KDM7A: variants seen among roughly 807,000 people sequenced by gnomAD.
KDM7A encodes lysine-specific demethylase 7A.
A neutral mutation model predicts 114.8 loss-of-function variants in KDM7A; 28 were observed. That is an observed-to-expected ratio of 0.24 (90% confidence interval 0.18 to 0.33). The LOEUF (loss-of-function observed/expected upper bound fraction) is 0.33. Among genes scored for constraint, KDM7A ranks in the 10% least tolerant of loss-of-function variants. KDM7A has a pLI of 1.00. For missense variants in KDM7A, 942 were observed against 1,142.5 expected, an observed-to-expected ratio of 0.82 and a Z score of 2.53; for synonymous variants, 423 against 397.8, an observed-to-expected ratio of 1.06 and a Z score of -0.75.
chr7:140,155,082 A>G (rs976152062), intron 1 of KDM7A, among the ~76,000 whole-genome samples: 3 of 152,218 alleles, frequency 2.0e-5, no homozygotes, highest in East Asian at 1.9e-4. Flanking sequence ...AAAGAAGTCA[A>G]TAACTGATCA....
chr7:140,171,779 G>A (rs1425251439), intron 1 of KDM7A, among the ~76,000 whole-genome samples: 2 of 151,750 alleles, frequency 1.3e-5, no homozygotes, highest in Non-Finnish European at 2.9e-5. Flanking sequence ...GAGCCAAACA[G>A]TATGCTCTTT....
rs1446539424 is a variant in KDM7A, at chr7:140,176,280, G to A, written c.194+464C>T. Among the ~76,000 whole-genome samples the A allele has an allele frequency of 1.3e-5, 2 of 149,914 alleles. No individual in the cohort carries two copies. Among genetic ancestry groups the A allele is most frequent in the South Asian group, 2.1e-4 (1 of 4,824 alleles). ...GGGCGACCCCATCGCCGCCCGGAAG[G>A]AAGGCAGGCGCGTCGGCCGGCCGGG... On this transcript the variant is annotated intron_variant, in intron 1 of 19. Transcript: ENST00000397560. The surrounding 1 kb of genome is among the most constrained non-coding windows in gnomAD (Gnocchi z 4.4).
intron 1 of KDM7A, among the ~76,000 whole-genome samples, chr7:140,150,634 G>A (rs1012491409): frequency 8.5e-5 from 13 of 152,190 alleles, no homozygotes; most frequent in Admixed American, 7.2e-4. Flanking sequence ...GGTAACAGCA[G>A]TTGCCTCTGG....
intron 9 of KDM7A, among the ~76,000 whole-genome samples, chr7:140,115,160 T>A (rs1818504545): frequency 6.8e-6 from 1 of 147,246 alleles, no homozygotes; most frequent in Non-Finnish European, 1.5e-5. Context: ...AGCTGCCCCA[T>A]CAGGGAGGGA....
At position 140,090,530 on chromosome 7, in the gene KDM7A, C is replaced by T. The variant is rs1183907318; in HGVS notation, c.*564G>A. 1 of 152,054 alleles carries T rather than the reference C, an allele frequency of 6.6e-6. No homozygotes were observed. The highest frequency in any genetic ancestry group is 1.5e-5 in the Non-Finnish European group (1 of 68,014). 9.4% of individuals were successfully genotyped at this position (152,054 alleles called of 1,614,324 possible). On this transcript the variant is annotated 3_prime_UTR_variant, in exon 20 of 20. Transcript: ENST00000397560. Reference sequence around the variant, plus strand: ...ACATCTTAATTTAAAATAATTAATGCATCAAATCCCTGTTTAAGACTTTAA... The same window carrying T: ...ACATCTTAATTTAAAATAATTAATGTATCAAATCCCTGTTTAAGACTTTAA...
chr7:140,125,122 T>C (rs759554998), intron 6 of KDM7A, among the ~76,000 whole-genome samples: 7 of 152,232 alleles, frequency 4.6e-5, no homozygotes, highest in Non-Finnish European at 8.8e-5. Flanking sequence ...CACAGTCATC[T>C]CTGCAAGCTT....
intron 2 of KDM7A, among the ~76,000 whole-genome samples, chr7:140,134,627 A>T (rs1281740712): frequency 6.6e-6 from 1 of 152,022 alleles, no homozygotes; most frequent in Non-Finnish European, 1.5e-5. Context: ...AAATGTACTG[A>T]TATCTGCAAT....
At chr7:140,172,332 T>C (rs1473230482) in intron 1 of KDM7A, among the ~76,000 whole-genome samples, 1 of 152,202 alleles carries the variant, frequency 6.6e-6, no homozygotes. Context: ...AGTATGTCAA[T>C]CATACCATCA....
intron 1 of KDM7A, among the ~76,000 whole-genome samples, chr7:140,159,378 A>T (rs1046695810): frequency 6.6e-6 from 1 of 151,356 alleles, no homozygotes; most frequent in Admixed American, 6.6e-5. Flanking sequence ...AAATTAAAAT[A>T]AAGGATATAT....
At chr7:140,119,767 T>A (rs938096971) in intron 8 of KDM7A, among the ~76,000 whole-genome samples, 6 of 152,180 alleles carry the variant, frequency 3.9e-5, no homozygotes, top group African/African-American at 1.2e-4. Flanking sequence ...CTATCTCCCC[T>A]AATAACGCCA....
intron 9 of KDM7A, among the ~76,000 whole-genome samples, chr7:140,114,726 C>T (rs796730170): frequency 4.6e-5 from 7 of 150,622 alleles, no homozygotes; most frequent in African/African-American, 1.5e-4. Flanking sequence ...AAGTGAGGAG[C>T]GTCTCTGCCC....
intron 1 of KDM7A, among the ~76,000 whole-genome samples, chr7:140,169,683 G>A (rs1009519141): frequency 6.6e-6 from 1 of 151,938 alleles, no homozygotes; most frequent in African/African-American, 2.4e-5. Context: ...ACACCACTAT[G>A]CCCAGCTAAT....
intron 1 of KDM7A, among the ~76,000 whole-genome samples, chr7:140,142,918 CAATA>C (rs1794300543): frequency 6.6e-6 from 1 of 151,698 alleles, no homozygotes; most frequent in Non-Finnish European, 1.5e-5. Flanking sequence ...AAAAATCATA[CAATA>C]AATGAATGAA....
intron 1 of KDM7A, among the ~76,000 whole-genome samples, chr7:140,142,125 T>C (rs1794290396): frequency 6.8e-6 from 1 of 146,210 alleles, no homozygotes; most frequent in African/African-American, 2.5e-5. Flanking sequence ...CTCATAAAAA[T>C]GTATTCCAAA....
At chr7:140,134,695 T>G (rs1403061340) in intron 2 of KDM7A, among the ~76,000 whole-genome samples, 1 of 152,120 alleles carries the variant, frequency 6.6e-6, no homozygotes, top group Non-Finnish European at 1.5e-5. Context: ...GTTACATGGA[T>G]AGATATGTGT....
intron 12 of KDM7A, among the ~76,000 whole-genome samples, chr7:140,100,681 C>CACATATATATATATATAT (rs1554395402): frequency 2.0e-4 from 9 of 44,344 alleles, no homozygotes; most frequent in East Asian, 1.2e-3. Context: ...TATATATATA[C>CACATATATATATATATAT]ATATATACAT....
At chr7:140,134,558 T>C (rs1818838339) in intron 2 of KDM7A, among the ~76,000 whole-genome samples, 1 of 151,958 alleles carries the variant, frequency 6.6e-6, no homozygotes, top group African/African-American at 2.4e-5. Flanking sequence ...CTGTTTTAAA[T>C]CTTTTTTTTT....
rs6975136 is a variant in KDM7A at position 140,091,937 on chromosome 7, C to T, written c.2598G>A (p.Ser866=). ...TGCCATTACTTATCTGGCACGCCCC[C>T]GAAGTCAGGTTTGAATTCTGCATAT... is the stretch of plus-strand genomic sequence containing the variant. The part of the protein sequence containing the change: ...GKYMQNSNLT[S]GACQISNGSL... The change falls in exon 19 of 20, where the codon TCG becomes TCA. Residue 866 remains serine (S), a synonymous_variant. Coordinates refer to ENST00000397560, the MANE Select transcript of KDM7A (RefSeq NM_030647.2). The T allele has an allele frequency of 1.9e-5, 30 of 1,613,810 alleles. No homozygotes were observed. The highest frequency in any genetic ancestry group is 1.5e-4 in the South Asian group (14 of 91,050).
chr7:140,091,510 C>A (rs1292152962), intron 19 of KDM7A, among the ~76,000 whole-genome samples: 1 of 152,142 alleles, frequency 6.6e-6, no homozygotes, highest in East Asian at 1.9e-4. Flanking sequence ...CCCCTTTGTG[C>A]CCTGCCTCAG....
Sources: allele counts gnomAD v4.1 joint callset (sites outside exome capture counted in the v4.1 genomes callset), GRCh38; gene constraint gnomAD v4.1.1; non-coding constraint Gnocchi (gnomAD v3.1); transcripts MANE v1.5; gene names NCBI Gene and HGNC (gene_info 2026-07-23, HGNC 2026-07-21).